The following STAB2 variants were observed in gnomAD, a reference collection of about 807,000 sequenced individuals.
STAB2 encodes stabilin 2.
A neutral mutation model predicts 338.1 loss-of-function variants in STAB2; 288 were observed. The observed-to-expected ratio is 0.85, with a 90% CI of 0.77 to 0.94. The LOEUF is 0.94. Among genes scored for constraint, STAB2 ranks in the 40% least tolerant of loss-of-function variants. The pLI is 0.00. For synonymous variants in STAB2, 1,202 were observed against 1,193.3 expected, an observed-to-expected ratio of 1.01 and a Z score of -0.15; for missense variants, 3,141 against 3,210.1, an observed-to-expected ratio of 0.98 and a Z score of 0.52.
At chr12:103,637,644 C>T (rs1957569960) in intron 7 of STAB2, among the ~76,000 whole-genome samples, 1 of 152,118 alleles carries the variant, frequency 6.6e-6, no homozygotes. Context: ...GTTTTTCTGT[C>T]TATGAAATGG....
intron 10 of STAB2, among the ~76,000 whole-genome samples, chr12:103,649,955 G>A (rs1344928432): frequency 1.3e-5 from 2 of 152,168 alleles, no homozygotes; most frequent in African/African-American, 4.8e-5. Context: ...CACAGAGCCT[G>A]TCCTGTCGTC....
chr12:103,727,195 G>T, intron 46 of STAB2, 72 bp from the exon 47 acceptor site: 1 of 1,517,754 alleles, frequency 6.6e-7, no homozygotes, highest in Non-Finnish European at 9.2e-7. Flanking sequence ...CATCATCTCT[G>T]GTATTAGTTT....
At chr12:103,677,400 CAT>C (rs904216097) in intron 24 of STAB2, 51 bp from the exon 25 acceptor site, 309 of 1,545,322 alleles carry the variant, frequency 2.0e-4, no homozygotes, top group Admixed American at 4.7e-4. Context: ...TTTTTGGAAT[CAT>C]GTGGCTGGAC....
At chr12:103,671,074 A>G (rs4981024) in intron 22 of STAB2, among the ~76,000 whole-genome samples, 46,155 of 152,076 alleles carry the variant, frequency 0.3, 7,413 homozygotes, top group South Asian at 0.44. Flanking sequence ...GGGCACTAAC[A>G]CTGCTGGTCT....
intron 34 of STAB2, among the ~76,000 whole-genome samples, chr12:103,699,495 CT>C (rs572998323): frequency 1.1e-3 from 174 of 152,312 alleles, no homozygotes; most frequent in African/African-American, 3.8e-3. Context: ...AAAAAGACAG[CT>C]CGTGCAGGAA....
chr12:103,637,824 T>G (rs527580037), intron 7 of STAB2, among the ~76,000 whole-genome samples, 192 bp from the exon 8 acceptor site: 1 of 152,340 alleles, frequency 6.6e-6, no homozygotes, highest in South Asian at 2.1e-4. Context: ...TACTAATATA[T>G]CAACACAATA....
intron 9 of STAB2, among the ~76,000 whole-genome samples, chr12:103,648,385 T>A (rs1873487596): frequency 6.6e-6 from 1 of 152,214 alleles, no homozygotes; most frequent in African/African-American, 2.4e-5. Context: ...ATATTAAATA[T>A]GTTATATTAA....
chr12:103,704,649 C>T, intron 36 of STAB2, 35 bp downstream of exon 36: 1 of 1,596,322 alleles, frequency 6.3e-7, no homozygotes, highest in Non-Finnish European at 8.6e-7. Flanking sequence ...AAATAGTTTC[C>T]AGATCCGAGG....
chr12:103,663,711 G>A (rs76555094), intron 18 of STAB2, among the ~76,000 whole-genome samples: 2,279 of 152,242 alleles, frequency 0.015, 49 homozygotes, highest in African/African-American at 0.052. Flanking sequence ...ATTCAGCAGG[G>A]CCTCATGTTA....
chr12:103,676,031 G>A lies in STAB2; in HGVS notation c.2646+10G>A. ...AGGCTGTAGCCGCAATGTGAGTACT[G>A]GTCTTCATTTCCACCCTGCCTGGTT... is the stretch of plus-strand genomic sequence containing the variant. On this transcript the variant is annotated intron_variant, in intron 24 of 68. Coordinates refer to ENST00000388887, the MANE Select transcript of STAB2 (RefSeq NM_017564.10). The A allele has an allele frequency of 6.5e-7, 1 of 1,539,094 alleles. No individual in the cohort carries two copies. The highest frequency in any genetic ancestry group is 8.8e-7 in the Non-Finnish European group (1 of 1,133,538).
chr12:103,666,181 C>T lies in STAB2; in HGVS notation c.2023-110C>T. ...GTGGGTAGAGAGGCCAGGATCATGGCTCAGTGGGGTTTCCTTCACAGGGAG... is the reference window on the plus strand; with the variant it reads ...GTGGGTAGAGAGGCCAGGATCATGGTTCAGTGGGGTTTCCTTCACAGGGAG... On this transcript the variant is annotated intron_variant, in intron 18 of 68. Transcript: ENST00000388887. 13 of 1,064,138 alleles carry T rather than the reference C, an allele frequency of 1.2e-5. No homozygotes were observed. In the South Asian group the frequency reaches 1.6e-4, roughly 13 times the overall value. The allele number at this position is 1,064,138 out of a possible 1,614,324, so 65.9% of individuals were successfully genotyped here.
intron 45 of STAB2, among the ~76,000 whole-genome samples, chr12:103,725,670 G>C (rs770875532): frequency 6.6e-6 from 1 of 152,190 alleles, no homozygotes; most frequent in Non-Finnish European, 1.5e-5. Flanking sequence ...GTGTGCATGT[G>C]TGTGTGTACT....
At chr12:103,619,797 C>T (rs1320948526) in intron 3 of STAB2, among the ~76,000 whole-genome samples, 1 of 151,878 alleles carries the variant, frequency 6.6e-6, no homozygotes, top group Non-Finnish European at 1.5e-5. Context: ...CTCCCAAGTC[C>T]CCAGCCCCAT....
chr12:103,747,349 T>C (rs537014104), intron 58 of STAB2, among the ~76,000 whole-genome samples: 2 of 152,310 alleles, frequency 1.3e-5, no homozygotes, highest in Non-Finnish European at 2.9e-5. Flanking sequence ...TATTGTCTCA[T>C]ATAACAGGTT....
chr12:103,705,812 C>A, intron 37 of STAB2, 85 bp downstream of exon 37: 1 of 1,306,414 alleles, frequency 7.7e-7, no homozygotes, highest in Non-Finnish European at 1.1e-6. Context: ...AATCCCTGTG[C>A]AGGTATGCTT....
intron 52 of STAB2, 58 bp from the exon 53 acceptor site, chr12:103,737,574 TTC>T (rs10558320): frequency 0.039 from 37,958 of 983,102 alleles, 909 homozygotes; most frequent in African/African-American, 0.2. Context: ...GATTGACTGT[TTC>T]TCTCTCTCTC....
intron 9 of STAB2, 112 bp downstream of exon 9, chr12:103,640,368 AC>A: frequency 1.5e-6 from 2 of 1,354,748 alleles, no homozygotes; most frequent in Middle Eastern, 1.9e-4. Flanking sequence ...CCTTGCATCC[AC>A]CCCCACCCCA....
intron 20 of STAB2, chr12:103,669,113 C>T: frequency 4.0e-6 from 1 of 250,512 alleles, no homozygotes; most frequent in Non-Finnish European, 7.7e-6. Context: ...TTAACCAGCA[C>T]TGTCACCACC....
At chr12:103,763,336 GT>G in intron 67 of STAB2, 155 bp from the exon 68 acceptor site, 1 of 654,900 alleles carries the variant, frequency 1.5e-6, no homozygotes. Flanking sequence ...CTAAAGGTTG[GT>G]AAATTTTATT....
Sources: gnomAD v4.1 joint callset for allele counts (sites outside exome capture counted in the v4.1 genomes callset) on GRCh38, gnomAD v4.1.1 for gene constraint, MANE v1.5 for transcripts, NCBI Gene and HGNC (gene_info 2026-07-23, HGNC 2026-07-21) for gene names.